Variants in DYRK1A observed in about 807,000 individuals in gnomAD.
DYRK1A encodes the protein dual specificity tyrosine phosphorylation regulated kinase 1A, also known as dual specificity tyrosine-phosphorylation-regulated kinase 1A.
DYRK1A carries 9 observed loss-of-function variants against 79.7 expected under a neutral mutation model. The observed-to-expected ratio is 0.11, with a 90% confidence interval of 0.07 to 0.20. The LOEUF (loss-of-function observed/expected upper bound fraction) is 0.20. Among genes scored for constraint, DYRK1A ranks in the 10% least tolerant of loss-of-function variants. DYRK1A has a pLI of 1.00. For missense variants in DYRK1A, 622 were observed against 956.0 expected, an observed-to-expected ratio of 0.65 and a Z score of 4.61; for synonymous variants, 349 against 329.7, an observed-to-expected ratio of 1.06 and a Z score of -0.63.
chr21:37,414,049 A>C (rs1410769452), intron 1 of DYRK1A, among the ~76,000 whole-genome samples: 4 of 152,072 alleles, frequency 2.6e-5, no homozygotes, highest in Admixed American at 6.6e-5. Flanking sequence ...TGCAAATATA[A>C]ATTGTTGATA....
intron 2 of DYRK1A, among the ~76,000 whole-genome samples, chr21:37,463,816 G>C (rs2051933754): frequency 6.6e-6 from 1 of 152,160 alleles, no homozygotes; most frequent in Admixed American, 6.5e-5. Flanking sequence ...GTGGGTTTTT[G>C]CCCACATAAG....
chr21:37,464,221 AT>A, intron 2 of DYRK1A: 1 of 454,518 alleles, frequency 2.2e-6, no homozygotes, highest in South Asian at 1.7e-5. Context: ...TTTGAATCTT[AT>A]GTCCCAGTCT....
chr21:37,422,918 T>G (rs2050515187), intron 2 of DYRK1A, among the ~76,000 whole-genome samples: 1 of 152,140 alleles, frequency 6.6e-6, no homozygotes, highest in African/African-American at 2.4e-5. Flanking sequence ...TGAGAATCTT[T>G]TTGCATGTTT....
At chr21:37,405,465 C>G (rs534272504) in intron 1 of DYRK1A, among the ~76,000 whole-genome samples, 1 of 152,296 alleles carries the variant, frequency 6.6e-6, no homozygotes, top group South Asian at 2.1e-4. Context: ...TGACTCCTTC[C>G]GTCTTTCATT....
At chr21:37,471,071 C>CAGGGGT (rs2052206409) in intron 2 of DYRK1A, among the ~76,000 whole-genome samples, 3 of 152,144 alleles carry the variant, frequency 2.0e-5, no homozygotes, top group African/African-American at 7.2e-5. Context: ...CCAGCTTCAG[C>CAGGGGT]AGGGGTAGAG....
At chr21:37,497,364 A>G (rs919553432) in intron 9 of DYRK1A, among the ~76,000 whole-genome samples, 1 of 152,168 alleles carries the variant, frequency 6.6e-6, no homozygotes, top group African/African-American at 2.4e-5. Flanking sequence ...TGCAGTTTCC[A>G]GCTGCTAAAT....
intron 1 of DYRK1A, among the ~76,000 whole-genome samples, chr21:37,368,442 A>G (rs1788344155): frequency 6.6e-6 from 1 of 152,158 alleles, no homozygotes; most frequent in Non-Finnish European, 1.5e-5. Flanking sequence ...AAAAATGGTA[A>G]AATTAGTGAG....
At chr21:37,377,747 C>G (rs1271759427) in intron 1 of DYRK1A, among the ~76,000 whole-genome samples, 1 of 152,218 alleles carries the variant, frequency 6.6e-6, no homozygotes, top group Non-Finnish European at 1.5e-5. Flanking sequence ...CTGTGAGACA[C>G]TGCCCAGCCT....
chr21:37,437,625 G>A (rs747260379), intron 2 of DYRK1A, among the ~76,000 whole-genome samples: 1 of 152,138 alleles, frequency 6.6e-6, no homozygotes, highest in Non-Finnish European at 1.5e-5. Context: ...AGGATTATAT[G>A]TGTTCTTTTT....
chr21:37,407,639 C>T (rs561235710), intron 1 of DYRK1A, among the ~76,000 whole-genome samples: 1 of 152,194 alleles, frequency 6.6e-6, no homozygotes, highest in Non-Finnish European at 1.5e-5. Context: ...AATTGAAAAT[C>T]TCTTAGCTCT....
intron 9 of DYRK1A, among the ~76,000 whole-genome samples, chr21:37,497,901 G>A (rs1175237253): frequency 6.6e-6 from 1 of 152,068 alleles, no homozygotes; most frequent in Admixed American, 6.6e-5. Context: ...GTCGCACTTA[G>A]CAATTGACTT....
Position 37,512,633 on chromosome 21 carries a change from A to C in DYRK1A, c.*102A>C, listed in dbSNP as rs2053788374. 2.2e-6 allele frequency: 3 copies of C among 1,366,402 alleles called. No homozygotes were observed. Among genetic ancestry groups the C allele is most frequent in the Non-Finnish European group, 2.0e-6 (2 of 1,000,388 alleles). The allele number at this position is 1,366,402 out of a possible 1,614,324, so 84.6% of individuals were successfully genotyped here. A position where few individuals can be genotyped will look rare whatever the true frequency, so the allele number is the denominator to read the frequency against. ...CTGCTTGAATCAGGAGGAGATTAAC[A>C]CACTGAACCGCTACAAGAGGGCAAA... On this transcript the variant is annotated 3_prime_UTR_variant, in exon 12 of 12. Transcript: ENST00000647188.
intron 2 of DYRK1A, among the ~76,000 whole-genome samples, chr21:37,429,430 CAT>C (rs1342124484): frequency 6.6e-6 from 1 of 152,116 alleles, no homozygotes; most frequent in African/African-American, 2.4e-5. Context: ...ATACATGAAG[CAT>C]GGCTAGGGAG....
intron 3 of DYRK1A, among the ~76,000 whole-genome samples, chr21:37,477,024 C>T (rs751724983): frequency 1.3e-5 from 2 of 152,146 alleles, no homozygotes; most frequent in Non-Finnish European, 2.9e-5. Context: ...AATGCTGTAA[C>T]AATTCTGTCT....
At chr21:37,481,881 G>C (rs1601235299) in intron 5 of DYRK1A, among the ~76,000 whole-genome samples, 2 of 152,016 alleles carry the variant, frequency 1.3e-5, no homozygotes, top group African/African-American at 4.8e-5. Flanking sequence ...ATCTCTGGTT[G>C]TGGTCCCCCA....
intron 6 of DYRK1A, chr21:37,486,826 G>A: frequency 7.7e-6 from 3 of 391,346 alleles, no homozygotes; most frequent in Non-Finnish European, 1.3e-5. Context: ...AGCATACCAT[G>A]TAGAAACAAA....
intron 2 of DYRK1A, among the ~76,000 whole-genome samples, chr21:37,445,485 G>A (rs751837070): frequency 2.0e-5 from 3 of 152,192 alleles, no homozygotes; most frequent in Non-Finnish European, 4.4e-5. Context: ...TGTGGAGCTC[G>A]TTTTGTAATG....
At chr21:37,498,679 C>T (rs2053348572) in intron 9 of DYRK1A, among the ~76,000 whole-genome samples, 1 of 152,144 alleles carries the variant, frequency 6.6e-6, no homozygotes, top group South Asian at 2.1e-4. Context: ...GTTTTCATCT[C>T]TCTGACAGCA....
intron 2 of DYRK1A, among the ~76,000 whole-genome samples, chr21:37,444,237 A>C (rs1418573069): frequency 2.6e-5 from 4 of 152,184 alleles, no homozygotes; most frequent in Non-Finnish European, 2.9e-5. Flanking sequence ...CACTTCTTTC[A>C]CTGTCTCCCA....
Sources: gnomAD v4.1 joint callset for allele counts (sites outside exome capture counted in the v4.1 genomes callset) on GRCh38, gnomAD v4.1.1 for gene constraint, MANE v1.5 for transcripts, NCBI Gene and HGNC (gene_info 2026-07-23, HGNC 2026-07-21) for gene names.